The following LYZL4 variants were observed in gnomAD, a reference collection of about 807,000 sequenced individuals.
The protein encoded by LYZL4 is lysozyme like 4, also known as lysozyme-like protein 4.
A neutral mutation model predicts 17.6 loss-of-function variants in LYZL4; 13 were observed. That is an observed-to-expected ratio of 0.74 (90% confidence interval 0.48 to 1.18). LYZL4 has a LOEUF of 1.18. Ranked by LOEUF, LYZL4 falls within the 50% of genes most tolerant of loss-of-function variation. The probability of loss-of-function intolerance (pLI) is 0.00; values close to 1 mark genes in which losing one functional copy is unlikely to be tolerated. For missense variants in LYZL4, 174 were observed against 188.2 expected, an observed-to-expected ratio of 0.92 and a Z score of 0.44; for synonymous variants, 64 against 67.7, an observed-to-expected ratio of 0.95 and a Z score of 0.27.
chr3:42,394,916 T>A (rs1156339097), downstream of LYZL4, among the ~76,000 whole-genome samples: 1 of 152,348 alleles, frequency 6.6e-6, no homozygotes, highest in Middle Eastern at 3.4e-3. Flanking sequence ...AAGATTGGAT[T>A]GAGGTCGTGT....
downstream of LYZL4, among the ~76,000 whole-genome samples, chr3:42,394,264 G>A (rs1363643637): frequency 2.0e-5 from 3 of 152,306 alleles, no homozygotes; most frequent in East Asian, 5.8e-4. Context: ...CCTCTTAAGT[G>A]CAGCATCTTA....
At chr3:42,367,569 C>T in the LYZL4 span, among the ~76,000 whole-genome samples, 1 of 152,176 alleles carries the variant, frequency 6.6e-6, no homozygotes, top group Non-Finnish European at 1.5e-5. Context: ...AGGGTGCTCC[C>T]AGCAGAGGTG....
the LYZL4 span, among the ~76,000 whole-genome samples, chr3:42,376,570 CT>C: frequency 2.0e-5 from 3 of 152,236 alleles, no homozygotes; most frequent in African/African-American, 4.8e-5. Flanking sequence ...ACTTCTGGAA[CT>C]TAAAAGATTG....
chr3:42,361,437 G>GACTTCTAT, the LYZL4 span, among the ~76,000 whole-genome samples: 2 of 152,092 alleles, frequency 1.3e-5, no homozygotes, highest in Non-Finnish European at 2.9e-5. Flanking sequence ...AGAGGTGAAA[G>GACTTCTAT]ACTTCTATAC....
the LYZL4 span, among the ~76,000 whole-genome samples, chr3:42,373,354 A>G: frequency 1.3e-5 from 2 of 152,052 alleles, no homozygotes; most frequent in South Asian, 4.2e-4. Flanking sequence ...CCCAAACCCT[A>G]TATTCCTGGG....
intron 4 of LYZL4, 43 bp from the exon 5 acceptor site, chr3:42,397,377 C>T: frequency 1.4e-6 from 2 of 1,395,958 alleles, no homozygotes; most frequent in East Asian, 2.5e-5. Flanking sequence ...AAAGTCAGAA[C>T]TCAGGGTCTC....
the LYZL4 span, among the ~76,000 whole-genome samples, chr3:42,381,908 G>A: frequency 2.0e-5 from 3 of 152,298 alleles, no homozygotes; most frequent in African/African-American, 7.2e-5. Context: ...TCTGACTTGC[G>A]CATCTTATTC....
chr3:42,365,908 AC>A, the LYZL4 span, among the ~76,000 whole-genome samples: 1 of 152,178 alleles, frequency 6.6e-6, no homozygotes, highest in African/African-American at 2.4e-5. Flanking sequence ...TTTGTTTAAA[AC>A]TTAAACAAGT....
the LYZL4 span, among the ~76,000 whole-genome samples, chr3:42,376,377 C>T: frequency 6.6e-6 from 1 of 152,246 alleles, no homozygotes; most frequent in South Asian, 2.1e-4. Flanking sequence ...ATCAATAGCC[C>T]TTCATTGCCA....
At position 42,397,296 on chromosome 3, in the gene LYZL4, A is replaced by G; in HGVS notation, c.410T>C (p.Leu137Pro). The G allele has an allele frequency of 6.4e-7, 1 of 1,571,892 alleles. No individual in the cohort carries two copies. The highest frequency in any genetic ancestry group is 8.6e-7 in the Non-Finnish European group (1 of 1,158,152). ...CTTGCAACCATCCAGCCACCGTGCCAGGGTATCGGAGTACTGGCAGTACCG... is the reference window on the plus strand; with the variant it reads ...CTTGCAACCATCCAGCCACCGTGCCGGGGTATCGGAGTACTGGCAGTACCG... ...WSRYCQYSDT[L>P]ARWLDGCKL The change falls in exon 5 of 5, where the codon CTG (leucine) becomes CCG (proline). Residue 137 changes from leucine to proline, a missense_variant. By Grantham distance (98) the Leu-to-Pro change is moderately conservative. Coordinates refer to ENST00000287748, the MANE Select transcript of LYZL4 (RefSeq NM_144634.4).
the LYZL4 span, among the ~76,000 whole-genome samples, chr3:42,365,479 C>G: frequency 3.3e-5 from 5 of 152,164 alleles, no homozygotes; most frequent in Non-Finnish European, 7.3e-5. Flanking sequence ...CCATGTGCAT[C>G]TCATCCTCCT....
At chr3:42,388,866 G>A in the LYZL4 span, among the ~76,000 whole-genome samples, 1 of 152,124 alleles carries the variant, frequency 6.6e-6, no homozygotes, top group Non-Finnish European at 1.5e-5. Flanking sequence ...GCCCTGACTG[G>A]GAATTGGGGA....
chr3:42,365,229 A>G, the LYZL4 span, among the ~76,000 whole-genome samples: 1 of 152,230 alleles, frequency 6.6e-6, no homozygotes, highest in Non-Finnish European at 1.5e-5. Flanking sequence ...ATCTAAATAT[A>G]AGATTGGAAC....
At chr3:42,365,877 T>C in the LYZL4 span, among the ~76,000 whole-genome samples, 6 of 152,218 alleles carry the variant, frequency 3.9e-5, no homozygotes, top group Non-Finnish European at 8.8e-5. Flanking sequence ...ACATATACTC[T>C]ATATTGAAAT....
the LYZL4 span, among the ~76,000 whole-genome samples, chr3:42,390,658 C>A: frequency 6.6e-6 from 1 of 152,036 alleles, no homozygotes; most frequent in East Asian, 1.9e-4. Flanking sequence ...GGAATATGTG[C>A]CTGCCCTGCT....
At chr3:42,386,977 A>G in the LYZL4 span, among the ~76,000 whole-genome samples, 2 of 152,196 alleles carry the variant, frequency 1.3e-5, no homozygotes, top group Admixed American at 1.3e-4. Context: ...TTCCATAATG[A>G]AAAGATTTTT....
chr3:42,380,940 G>A, the LYZL4 span, among the ~76,000 whole-genome samples: 10 of 152,218 alleles, frequency 6.6e-5, no homozygotes, highest in African/African-American at 2.2e-4. Flanking sequence ...AATGTTAGCC[G>A]CTGTGGCATA....
the LYZL4 span, among the ~76,000 whole-genome samples, chr3:42,374,754 C>A: frequency 6.6e-6 from 1 of 152,184 alleles, no homozygotes; most frequent in Non-Finnish European, 1.5e-5. Context: ...TATTTTCTTA[C>A]AATAAATTAA....
At chr3:42,367,901 C>T in the LYZL4 span, among the ~76,000 whole-genome samples, 1 of 152,268 alleles carries the variant, frequency 6.6e-6, no homozygotes, top group Admixed American at 6.5e-5. Context: ...AAATAAAAGT[C>T]ACCTACAGTC....
Sources: allele counts gnomAD v4.1 joint callset (sites outside exome capture counted in the v4.1 genomes callset), GRCh38; gene constraint gnomAD v4.1.1; transcripts MANE v1.5; gene names NCBI Gene and HGNC (gene_info 2026-07-23, HGNC 2026-07-21).